KCNH8: variants seen among roughly 807,000 people sequenced by gnomAD.
The protein encoded by KCNH8 is voltage-gated delayed rectifier potassium channel KCNH8.
A neutral mutation model predicts 103.6 loss-of-function variants in KCNH8; 70 were observed. That is an observed-to-expected ratio of 0.68 (90% CI 0.56 to 0.82). The LOEUF (loss-of-function observed/expected upper bound fraction) is 0.82. Among genes scored for constraint, KCNH8 ranks in the 40% least tolerant of loss-of-function variants. The pLI is 0.00. For missense variants in KCNH8, 1,217 were observed against 1,329.9 expected, an observed-to-expected ratio of 0.92 and a Z score of 1.32; for synonymous variants, 498 against 489.4, an observed-to-expected ratio of 1.02 and a Z score of -0.23.
At chr3:19,269,288 C>T (rs1286482723) in intron 2 of KCNH8, among the ~76,000 whole-genome samples, 2 of 152,050 alleles carry the variant, frequency 1.3e-5, no homozygotes, top group South Asian at 2.1e-4. Flanking sequence ...TAAGTCTTTA[C>T]TTTCCCAAAA....
intron 1 of KCNH8, among the ~76,000 whole-genome samples, chr3:19,199,506 A>G (rs866827925): frequency 2.6e-5 from 4 of 151,472 alleles, no homozygotes; most frequent in Middle Eastern, 7.0e-3. Context: ...CATGTAATTC[A>G]TGAAGCAGAA....
At chr3:19,397,134 TAAAAA>T (rs974623456) in intron 7 of KCNH8, among the ~76,000 whole-genome samples, 1 of 151,008 alleles carries the variant, frequency 6.6e-6, no homozygotes, top group East Asian at 1.9e-4. Flanking sequence ...ATTTGTCAAT[TAAAAA>T]AAAACAATCT....
At chr3:19,368,529 A>C (rs1280785623) in intron 5 of KCNH8, among the ~76,000 whole-genome samples, 1 of 152,042 alleles carries the variant, frequency 6.6e-6, no homozygotes, top group Non-Finnish European at 1.5e-5. Flanking sequence ...TTATTTACCC[A>C]TTCATAATTA....
At chr3:19,530,419 T>C (rs538513215) in intron 15 of KCNH8, among the ~76,000 whole-genome samples, 28 of 152,246 alleles carry the variant, frequency 1.8e-4, no homozygotes, top group Admixed American at 6.5e-4. Flanking sequence ...CCTATAAATA[T>C]GTATAATTAT....
intron 7 of KCNH8, among the ~76,000 whole-genome samples, chr3:19,419,496 G>A (rs1055409479): frequency 3.3e-5 from 5 of 152,116 alleles, no homozygotes; most frequent in South Asian, 2.1e-4. Flanking sequence ...CACCGCGCCC[G>A]GCCAATTAAA....
At chr3:19,418,309 A>G (rs1040420995) in intron 7 of KCNH8, among the ~76,000 whole-genome samples, 16 of 152,212 alleles carry the variant, frequency 1.1e-4, no homozygotes, top group African/African-American at 3.9e-4. Context: ...CATGGTGTAC[A>G]TGGATGAAGC....
chr3:19,250,146 T>C (rs2064257482), intron 1 of KCNH8, among the ~76,000 whole-genome samples: 1 of 152,004 alleles, frequency 6.6e-6, no homozygotes, highest in Non-Finnish European at 1.5e-5. Context: ...GTGCCTTTAA[T>C]CCCAGCTACT....
At chr3:19,271,317 A>T (rs946678231) in intron 2 of KCNH8, among the ~76,000 whole-genome samples, 1 of 152,118 alleles carries the variant, frequency 6.6e-6, no homozygotes, top group Admixed American at 6.5e-5. Flanking sequence ...CATCTTTAAG[A>T]TCTTTTTTAA....
At chr3:19,374,061 G>A (rs2125118857) in intron 5 of KCNH8, among the ~76,000 whole-genome samples, 1 of 152,100 alleles carries the variant, frequency 6.6e-6, no homozygotes, top group Non-Finnish European at 1.5e-5. Context: ...GGTGTGGTGT[G>A]GTGCTCAAAA....
intron 11 of KCNH8, among the ~76,000 whole-genome samples, chr3:19,501,446 T>C (rs2068580752): frequency 6.6e-6 from 1 of 152,174 alleles, no homozygotes; most frequent in Non-Finnish European, 1.5e-5. Context: ...ATCATCCTGA[T>C]ACCAAAGCCG....
chr3:19,174,380 T>C (rs2063377808), intron 1 of KCNH8, among the ~76,000 whole-genome samples: 1 of 152,206 alleles, frequency 6.6e-6, no homozygotes, highest in Non-Finnish European at 1.5e-5. Flanking sequence ...ATTAAAAATG[T>C]CTCCAAAGGA....
intron 1 of KCNH8, among the ~76,000 whole-genome samples, chr3:19,214,953 T>C (rs1165183760): frequency 6.6e-6 from 1 of 152,220 alleles, no homozygotes; most frequent in African/African-American, 2.4e-5. Flanking sequence ...TATGTGATTA[T>C]TGATGCACCA....
In KCNH8 at chr3:19,253,719, G is replaced by A. The variant is rs760167301; in HGVS notation, c.142G>A (p.Gly48Ser). The A allele has an allele frequency of 6.2e-7, 1 of 1,613,736 alleles. No individual in the cohort carries two copies. The highest frequency in any genetic ancestry group is 2.2e-5 in the East Asian group (1 of 44,856). Residue 48 changes from glycine (G) to serine (S), a missense_variant, in exon 2 of 16, where the codon GGC (glycine) becomes AGC (serine). This residue lies in a region of KCNH8 where 244 missense variants were observed against 256.8 expected (regional missense o/e 0.95). Transcript: ENST00000328405. ...TTTCCCCATAGTCTACTGTTCCGAT[G>A]GCTTCTGCGAGCTTGCTGGATTTGC... Reference protein sequence around the residue: ...KGFPIVYCSDGFCELAGFART... With the variant: ...KGFPIVYCSDSFCELAGFART...
At chr3:19,320,403 T>C (rs1427541517) in intron 3 of KCNH8, among the ~76,000 whole-genome samples, 1 of 152,072 alleles carries the variant, frequency 6.6e-6, no homozygotes, top group Non-Finnish European at 1.5e-5. Flanking sequence ...TTTTTCTGCA[T>C]CTACTGAGAT....
chr3:19,533,762 C>G lies in KCNH8; in HGVS notation c.2987C>G (p.Ser996Cys). Residue 996 changes from serine to cysteine, a missense_variant, in exon 16 of 16, where the codon TCC (serine) becomes TGC (cysteine). Physicochemically the swap from Ser to Cys is moderately radical, Grantham distance 112 (BLOSUM62 -1). Coordinates refer to ENST00000328405, the MANE Select transcript of KCNH8 (RefSeq NM_144633.3). The stretch of plus-strand genomic sequence containing the variant: ...TCTCCAAGCCTTGATTATTCACCTT[C>G]CCACTACCAGGTTGTCCAAGAAGGT... Reference protein sequence around the residue: ...YHSPSLDYSPSHYQVVQEGHL... With the variant: ...YHSPSLDYSPCHYQVVQEGHL... 1 of 1,614,174 alleles carries G rather than the reference C, an allele frequency of 6.2e-7. No homozygotes were observed. The highest frequency in any genetic ancestry group is 8.5e-7 in the Non-Finnish European group (1 of 1,180,004).
In KCNH8 at chr3:19,152,689, A is replaced by T. The variant is rs529648829; in HGVS notation, c.76+3894A>T. On this transcript the variant is annotated intron_variant, in intron 1 of 15. Coordinates refer to ENST00000328405, the MANE Select transcript of KCNH8 (RefSeq NM_144633.3). ...AGTGGCTCACGCCTGTAATCCCAGC[A>T]CTTTGGGAGGCTGAGGCGGGCAGAT... 3.3e-5 allele frequency among the ~76,000 whole-genome samples: 5 copies of T among 152,358 alleles called. No homozygotes were observed. In the East Asian group the frequency reaches 9.6e-4, roughly 29 times the overall value.
chr3:19,481,770 G>A lies in KCNH8; in HGVS notation c.2040+24788G>A, dbSNP rs553137942. 5.3e-5 allele frequency among the ~76,000 whole-genome samples: 8 copies of A among 152,264 alleles called. No homozygotes were observed. The South Asian group carries it at 1.7e-3, about 32-fold the overall frequency. ...TGGATTAAATTCTACAGTACATCAG[G>A]CATTTATTCTTTCAGCTCAAGTAAC... On this transcript the variant is annotated intron_variant, in intron 11 of 15. Coordinates refer to ENST00000328405, the MANE Select transcript of KCNH8 (RefSeq NM_144633.3).
intron 15 of KCNH8, among the ~76,000 whole-genome samples, chr3:19,530,761 T>C (rs572833479): frequency 6.6e-6 from 1 of 152,346 alleles, no homozygotes; most frequent in South Asian, 2.1e-4. Context: ...AATCTCTCAA[T>C]GCTTTCTTAA....
chr3:19,343,241 A>G (rs1356157490), intron 4 of KCNH8, among the ~76,000 whole-genome samples: 1 of 152,120 alleles, frequency 6.6e-6, no homozygotes, highest in South Asian at 2.1e-4. Context: ...ATTGCATACC[A>G]TACGTTAAAT....
Sources: gnomAD v4.1 joint callset for allele counts (sites outside exome capture counted in the v4.1 genomes callset) on GRCh38, gnomAD v4.1.1 for gene constraint, gnomAD v4.1.1 regional missense constraint, MANE v1.5 for transcripts, NCBI Gene and HGNC (gene_info 2026-07-23, HGNC 2026-07-21) for gene names.